Variants in PPM1H observed in about 807,000 individuals in gnomAD.
The protein encoded by PPM1H is protein phosphatase 1H.
Under a neutral mutation model 54.9 loss-of-function variants are expected in PPM1H, and 27 were observed. The ratio of observed to expected loss-of-function variants is 0.49; its 90% CI spans 0.36 to 0.68. The LOEUF is 0.68. PPM1H is among the 30% of genes least tolerant of loss of function. The probability of loss-of-function intolerance (pLI) is 0.00; values close to 1 mark genes in which losing one functional copy is unlikely to be tolerated. For missense variants in PPM1H, 596 were observed against 667.8 expected, an observed-to-expected ratio of 0.89 and a Z score of 1.19; for synonymous variants, 305 against 270.8, an observed-to-expected ratio of 1.13 and a Z score of -1.24.
At position 62,889,506 on chromosome 12, in the gene PPM1H, A is replaced by AT. The variant is rs1565820782; in HGVS notation, c.245+44985_245+44986insA. On this transcript the variant is annotated intron_variant, in intron 1 of 9. Transcript: ENST00000228705. ...ATCCTGTCTCTAAAAAAATTTAAAA[A>AT]ATATATATATAAAAATATAATGTAA... 2.6e-5 allele frequency among the ~76,000 whole-genome samples: 4 copies of AT among 151,918 alleles called. No individual in the cohort carries two copies. In the South Asian group the frequency reaches 6.2e-4, roughly 24 times the overall value.
At chr12:62,917,176 C>T (rs1592669986) in intron 1 of PPM1H, among the ~76,000 whole-genome samples, 5 of 152,292 alleles carry the variant, frequency 3.3e-5, no homozygotes, top group African/African-American at 2.4e-5. Context: ...TGCAGGGCCA[C>T]GTATAAGTAC....
intron 1 of PPM1H, among the ~76,000 whole-genome samples, chr12:62,879,119 C>T (rs540856418): frequency 2.0e-5 from 3 of 152,314 alleles, no homozygotes; most frequent in African/African-American, 7.2e-5. Flanking sequence ...GTCTTACCCT[C>T]TAGGTGGGGG....
chr12:62,714,964 C>A (rs1388884969), intron 6 of PPM1H, among the ~76,000 whole-genome samples: 1 of 152,216 alleles, frequency 6.6e-6, no homozygotes, highest in Non-Finnish European at 1.5e-5. Context: ...CCCCCTCCCA[C>A]ACACATGTCC....
intron 9 of PPM1H, among the ~76,000 whole-genome samples, chr12:62,666,022 C>A (rs2075915985): frequency 6.6e-6 from 1 of 151,864 alleles, no homozygotes; most frequent in Admixed American, 6.6e-5. Flanking sequence ...AGCCACCATG[C>A]TTGGCTAAAA....
intron 4 of PPM1H, among the ~76,000 whole-genome samples, chr12:62,765,122 T>A (rs142527611): frequency 6.6e-6 from 1 of 152,280 alleles, no homozygotes; most frequent in South Asian, 2.1e-4. Context: ...TGGACTGGTA[T>A]AGGACAGAGC....
At chr12:62,847,277 C>T (rs764810897) in intron 1 of PPM1H, among the ~76,000 whole-genome samples, 1 of 152,202 alleles carries the variant, frequency 6.6e-6, no homozygotes, top group African/African-American at 2.4e-5. Flanking sequence ...ACCCATTTGT[C>T]TTTGGAATAT....
At chr12:62,654,770 A>G (rs1266184674) in intron 9 of PPM1H, among the ~76,000 whole-genome samples, 3 of 152,002 alleles carry the variant, frequency 2.0e-5, no homozygotes, top group Admixed American at 2.0e-4. Context: ...TGTGTGGTAA[A>G]CCTACCCAGC....
At chr12:62,925,843 C>G (rs1871955747) in intron 1 of PPM1H, among the ~76,000 whole-genome samples, 1 of 152,216 alleles carries the variant, frequency 6.6e-6, no homozygotes, top group African/African-American at 2.4e-5. Context: ...CAGGCACATT[C>G]AGACACAAAC....
At chr12:62,819,360 C>T (rs1396851448) in intron 2 of PPM1H, among the ~76,000 whole-genome samples, 1 of 147,908 alleles carries the variant, frequency 6.8e-6, no homozygotes, top group Non-Finnish European at 1.5e-5. Flanking sequence ...AACTCCTGAA[C>T]TCATGATCCA....
intron 1 of PPM1H, among the ~76,000 whole-genome samples, chr12:62,882,228 C>T (rs1427015782): frequency 6.6e-6 from 1 of 152,212 alleles, no homozygotes; most frequent in Non-Finnish European, 1.5e-5. Context: ...ACACTATGTG[C>T]CAGGTGCCCT....
chr12:62,645,155 G>GA lies in PPM1H; in HGVS notation c.*3333dup, dbSNP rs746068206. 4 of 152,148 alleles carry GA rather than the reference G, an allele frequency of 2.6e-5. No individual in the cohort carries two copies. The highest frequency in any genetic ancestry group is 4.4e-5 in the Non-Finnish European group (3 of 68,040). 9.4% of individuals were successfully genotyped at this position (152,148 alleles called of 1,614,324 possible). A position where few individuals can be genotyped will look rare whatever the true frequency, so the allele number is the denominator to read the frequency against. On this transcript the variant is annotated 3_prime_UTR_variant, in exon 10 of 10. Transcript: ENST00000228705. ...TTCATACTAGTGCTCTTGTTAAATG[G>GA]AAAACCCTTCCTGAATGGGGAAGAT...
At chr12:62,708,663 G>C (rs1298400868) in intron 6 of PPM1H, among the ~76,000 whole-genome samples, 1 of 152,082 alleles carries the variant, frequency 6.6e-6, no homozygotes, top group Non-Finnish European at 1.5e-5. Context: ...TTAGCCCATA[G>C]GTCCTTTTCT....
At chr12:62,864,221 G>C (rs889569019) in intron 1 of PPM1H, among the ~76,000 whole-genome samples, 1 of 152,204 alleles carries the variant, frequency 6.6e-6, no homozygotes, top group African/African-American at 2.4e-5. Flanking sequence ...GCTACAAAAG[G>C]CTGGTCTACA....
At chr12:62,727,516 T>G (rs2076296410) in intron 5 of PPM1H, among the ~76,000 whole-genome samples, 1 of 152,076 alleles carries the variant, frequency 6.6e-6, no homozygotes, top group Non-Finnish European at 1.5e-5. Flanking sequence ...CATGTGGTTT[T>G]TAAAACCCCA....
chr12:62,693,848 G>T, intron 7 of PPM1H, 88 bp downstream of exon 7: 1 of 1,178,538 alleles, frequency 8.5e-7, no homozygotes, highest in Non-Finnish European at 1.2e-6. Context: ...AAGCTGCTGA[G>T]TGGAACACAC....
intron 9 of PPM1H, among the ~76,000 whole-genome samples, chr12:62,665,223 T>G (rs970070987): frequency 1.3e-5 from 2 of 152,116 alleles, no homozygotes; most frequent in Non-Finnish European, 2.9e-5. Flanking sequence ...AATTTTTGTA[T>G]TTTTAGTAGA....
intron 2 of PPM1H, among the ~76,000 whole-genome samples, chr12:62,806,911 A>G (rs2076808454): frequency 6.6e-6 from 1 of 152,204 alleles, no homozygotes; most frequent in South Asian, 2.1e-4. Context: ...GGACAAGGAG[A>G]AATTCTTAGT....
intron 4 of PPM1H, among the ~76,000 whole-genome samples, chr12:62,769,539 A>T (rs1204103871): frequency 6.6e-6 from 1 of 152,182 alleles, no homozygotes; most frequent in African/African-American, 2.4e-5. Flanking sequence ...CAATATGAAG[A>T]TGGGTTTGTT....
At chr12:62,932,149 C>A (rs927034725) in intron 1 of PPM1H, among the ~76,000 whole-genome samples, 1 of 149,650 alleles carries the variant, frequency 6.7e-6, no homozygotes, top group African/African-American at 2.5e-5. Context: ...TTGCCACTAA[C>A]TTTAAAATTT....
Sources: allele counts gnomAD v4.1 joint callset (sites outside exome capture counted in the v4.1 genomes callset), GRCh38; gene constraint gnomAD v4.1.1; transcripts MANE v1.5; gene names NCBI Gene and HGNC (gene_info 2026-07-23, HGNC 2026-07-21).